The following RELN variants were observed in gnomAD, a reference collection of about 807,000 sequenced individuals.
The protein encoded by RELN is reelin.
Under a neutral mutation model 427.6 loss-of-function variants are expected in RELN, and 108 were observed. That is an observed-to-expected ratio of 0.25 (90% CI 0.22 to 0.30). The LOEUF (loss-of-function observed/expected upper bound fraction) is 0.30, where lower values mean the gene tolerates loss of function less well. Ranked by LOEUF, RELN falls within the 10% of genes least tolerant of loss-of-function variation. RELN has a pLI of 1.00. For missense variants in RELN, 3,715 were observed against 4,302.8 expected (o/e 0.86, Z 3.82); for synonymous variants, 1,524 against 1,513.4 (o/e 1.01, Z -0.16).
At chr7:103,825,836 T>C (rs1364186556) in intron 3 of RELN, among the ~76,000 whole-genome samples, 2 of 152,138 alleles carry the variant, frequency 1.3e-5, no homozygotes, top group African/African-American at 4.8e-5. Context: ...ATAGCTACCA[T>C]GTTAGAAAGT....
At chr7:103,655,632 C>A (rs1442625273) in intron 12 of RELN, among the ~76,000 whole-genome samples, 1 of 151,898 alleles carries the variant, frequency 6.6e-6, no homozygotes, top group African/African-American at 2.4e-5. Context: ...TGATATTAAG[C>A]GGGAAAGCTA....
chr7:103,815,053 A>G (rs933538676), intron 3 of RELN, among the ~76,000 whole-genome samples: 19 of 152,156 alleles, frequency 1.2e-4, no homozygotes, highest in African/African-American at 4.3e-4. Flanking sequence ...TTGCTGTATA[A>G]TTTTCCATTG....
intron 3 of RELN, among the ~76,000 whole-genome samples, chr7:103,818,452 T>C (rs1407087026): frequency 6.6e-6 from 1 of 152,198 alleles, no homozygotes; most frequent in Non-Finnish European, 1.5e-5. Context: ...GAAACATTAT[T>C]ATACAGGACT....
At position 103,471,831 on chromosome 7, in the gene RELN, G is replaced by A. The variant is rs1361729085; in HGVS notation, c.*981C>T. On this transcript the variant is annotated 3_prime_UTR_variant, in exon 65 of 65. Transcript: ENST00000428762. ...TTTTATTTAAGCATGGGCTTTTATA[G>A]CTTGGTTCACCCTAGAGTGCAACCT... 2.0e-5 allele frequency: 3 copies of A among 152,622 alleles called. No individual in the cohort carries two copies. Among genetic ancestry groups the A allele is most frequent in the African/African-American group, 7.2e-5 (3 of 41,526 alleles). 9.5% of individuals were successfully genotyped at this position (152,622 alleles called of 1,614,324 possible). A position where few individuals can be genotyped will look rare whatever the true frequency, so the allele number is the denominator to read the frequency against.
chr7:103,544,801 AC>A (rs752241674), intron 42 of RELN, among the ~76,000 whole-genome samples: 18 of 152,174 alleles, frequency 1.2e-4, no homozygotes, highest in African/African-American at 3.9e-4. Flanking sequence ...ATTTCTGGAA[AC>A]CCTTCCATCC....
chr7:103,827,075 A>C (rs1793160897), intron 3 of RELN, among the ~76,000 whole-genome samples: 1 of 151,748 alleles, frequency 6.6e-6, no homozygotes, highest in South Asian at 2.1e-4. Context: ...AAAAGCAGAG[A>C]TTAAAAAAAG....
rs762338735 is a variant in RELN, at chr7:103,630,095, C to T, written c.2547G>A (p.Gln849=). The change falls in exon 20 of 65, where the codon CAG becomes CAA. Residue 849 remains glutamine (Q), a synonymous_variant. Coordinates refer to ENST00000428762, the MANE Select transcript of RELN (RefSeq NM_005045.4). ...CATCAATAGCCCATACATCTTCTCT[C>T]TGGGAAGAATGATACGGTTGCCACC... ...FRWWQPYHSS[Q]REDVWAIDEI... is the part of the protein sequence containing the mutation. The T allele has an allele frequency of 1.9e-6, 3 of 1,613,136 alleles. No homozygotes were observed. Among genetic ancestry groups the T allele is most frequent in the South Asian group, 1.1e-5 (1 of 91,068 alleles).
At chr7:103,796,875 CAAAA>C (rs1310087423) in intron 3 of RELN, among the ~76,000 whole-genome samples, 2 of 67,248 alleles carry the variant, frequency 3.0e-5, no homozygotes, top group African/African-American at 1.1e-4. Flanking sequence ...CTCCATCTCA[CAAAA>C]AAAAAAAAAA....
chr7:103,924,712 CT>C (rs1227648281), intron 1 of RELN, among the ~76,000 whole-genome samples: 2 of 152,058 alleles, frequency 1.3e-5, no homozygotes, highest in Non-Finnish European at 2.9e-5. Context: ...GCCTCTAAGT[CT>C]TATTTTCTGG....
intron 4 of RELN, among the ~76,000 whole-genome samples, chr7:103,773,290 TCC>T: frequency 8.1e-6 from 1 of 123,176 alleles, no homozygotes. Flanking sequence ...TCTCCCTCGC[TCC>T]CTCTCTCTCT....
intron 3 of RELN, among the ~76,000 whole-genome samples, chr7:103,798,993 A>G (rs1477573147): frequency 1.3e-5 from 2 of 152,144 alleles, no homozygotes; most frequent in African/African-American, 4.8e-5. Context: ...CTCATGTAGC[A>G]TCAGTTTCTC....
chr7:103,627,593 C>T (rs1832355529), intron 20 of RELN, among the ~76,000 whole-genome samples: 1 of 150,052 alleles, frequency 6.7e-6, no homozygotes, highest in Non-Finnish European at 1.5e-5. Context: ...TCTCTAGTCT[C>T]ATTATCACCA....
intron 10 of RELN, among the ~76,000 whole-genome samples, chr7:103,684,845 C>G (rs951166760): frequency 6.6e-6 from 1 of 152,206 alleles, no homozygotes; most frequent in South Asian, 2.1e-4. Flanking sequence ...CTATTATATT[C>G]CATATGCCTA....
At chr7:103,636,681 A>T (rs1241035602) in intron 17 of RELN, among the ~76,000 whole-genome samples, 1 of 152,216 alleles carries the variant, frequency 6.6e-6, no homozygotes, top group East Asian at 1.9e-4. Flanking sequence ...CAGCCCTCCC[A>T]TAAAAAGCCT....
chr7:103,522,853 C>A (rs2535784), intron 47 of RELN, among the ~76,000 whole-genome samples: 5 of 22,096 alleles, frequency 2.3e-4, no homozygotes, highest in South Asian at 1.0e-3. Flanking sequence ...ACACACACAC[C>A]CCCACACCTT....
Position 103,500,817 on chromosome 7 carries a change from A to G in RELN, c.8595T>C (p.Asp2865=), listed in dbSNP as rs751152954. The G allele has an allele frequency of 1.9e-6, 3 of 1,614,110 alleles. No individual in the cohort carries two copies. The highest frequency in any genetic ancestry group is 4.5e-5 in the East Asian group (2 of 44,888). The change falls in exon 53 of 65, where the codon GAT becomes GAC. Residue 2865 remains aspartate (D), a synonymous_variant. Transcript: ENST00000428762. ...CACAGATGCACTGTTCCCTTAAGCA[A>G]TCTCCATGGCCCCTGCAGTTGTCCA... ...GCLDNCRGHG[D]CLREQCICDP...
intron 3 of RELN, among the ~76,000 whole-genome samples, chr7:103,776,847 G>A (rs913041693): frequency 6.6e-6 from 1 of 152,192 alleles, no homozygotes; most frequent in African/African-American, 2.4e-5. Flanking sequence ...TAAAGACACT[G>A]TAACAGTTGT....
At position 103,724,205 on chromosome 7, in the gene RELN, C is replaced by A. The variant is rs564862471; in HGVS notation, c.754-1014G>T. ...TTTCGTTGTTTTGTTTTTTTTGAGA[C>A]AGACTCTCTCTCTGTTGCACTTTGC... On this transcript the variant is annotated intron_variant, in intron 7 of 64. Coordinates refer to ENST00000428762, the MANE Select transcript of RELN (RefSeq NM_005045.4). 1.5e-3 allele frequency among the ~76,000 whole-genome samples: 230 copies of A among 151,710 alleles called. 1 individual carries two copies. The highest frequency in any genetic ancestry group is 5.3e-3 in the African/African-American group (218 of 41,390).
At position 103,608,842 on chromosome 7, in the gene RELN, A is replaced by G. The variant is rs181182164; in HGVS notation, c.3008+1853T>C. Reference sequence around the variant, plus strand: ...AAGAACCTGCAAAGGCTTTTCTGATAAGGACAACACTTTCTGAATTTGCCT... The same window carrying G: ...AAGAACCTGCAAAGGCTTTTCTGATGAGGACAACACTTTCTGAATTTGCCT... On this transcript the variant is annotated intron_variant, in intron 22 of 64. Coordinates refer to ENST00000428762, the MANE Select transcript of RELN (RefSeq NM_005045.4). Among the ~76,000 whole-genome samples, 14 of 152,332 alleles carry G rather than the reference A, an allele frequency of 9.2e-5. No individual in the cohort carries two copies. The East Asian group carries it at 2.7e-3, about 29-fold the overall frequency.
Sources: allele counts gnomAD v4.1 joint callset (sites outside exome capture counted in the v4.1 genomes callset), GRCh38; gene constraint gnomAD v4.1.1; transcripts MANE v1.5; gene names NCBI Gene and HGNC (gene_info 2026-07-23, HGNC 2026-07-21).